Variants in FBXO10 observed in about 807,000 individuals in gnomAD.
FBXO10 encodes the protein F-box only protein 10.
A neutral mutation model predicts 80.7 loss-of-function variants in FBXO10; 39 were observed. That is an observed-to-expected ratio of 0.48 (90% CI 0.37 to 0.63). The LOEUF (loss-of-function observed/expected upper bound fraction) is 0.63, where lower values mean the gene tolerates loss of function less well. FBXO10 is among the 30% of genes least tolerant of loss of function. The pLI is 0.00. For synonymous variants in FBXO10, 449 were observed against 489.6 expected (o/e 0.92, Z 1.09); for missense variants, 1,025 against 1,269.0 (o/e 0.81, Z 2.92).
chr9:37,523,013 A>G (rs527891818), intron 6 of FBXO10, 36 bp from the exon 7 acceptor site: 20 of 1,571,352 alleles, frequency 1.3e-5, no homozygotes, highest in South Asian at 3.5e-5. Flanking sequence ...TCAGTACCCA[A>G]GGGCCAGCTC....
chr9:37,517,733 C>T (rs1454533213), intron 9 of FBXO10, among the ~76,000 whole-genome samples: 1 of 152,132 alleles, frequency 6.6e-6, no homozygotes, highest in Admixed American at 6.5e-5. Context: ...GCAAAGGCCC[C>T]AAGGCAGGAT....
intron 1 of FBXO10, among the ~76,000 whole-genome samples, chr9:37,563,637 ACT>A (rs1329476620): frequency 1.3e-5 from 2 of 152,124 alleles, no homozygotes; most frequent in African/African-American, 2.4e-5. Flanking sequence ...AGTAAAGGTA[ACT>A]CTTGCTATGC....
intron 3 of FBXO10, among the ~76,000 whole-genome samples, chr9:37,533,591 C>T (rs1821681907): frequency 6.6e-6 from 1 of 151,418 alleles, no homozygotes; most frequent in Non-Finnish European, 1.5e-5. Flanking sequence ...ACAGTATAGG[C>T]TGGACGTGTT....
intron 1 of FBXO10, among the ~76,000 whole-genome samples, chr9:37,566,333 C>T: frequency 6.6e-6 from 1 of 151,988 alleles, no homozygotes; most frequent in Non-Finnish European, 1.5e-5. Context: ...GTGGTGGGCA[C>T]CTGTAATCCC....
chr9:37,525,362 A>G (rs999069477), intron 5 of FBXO10, among the ~76,000 whole-genome samples, 190 bp from the exon 6 acceptor site: 5 of 152,078 alleles, frequency 3.3e-5, no homozygotes, highest in African/African-American at 1.2e-4. Flanking sequence ...GAGCCTCCCT[A>G]TGGCTCAAGT....
rs1821414030 is a variant in FBXO10 at position 37,524,262 on chromosome 9, T to A, written c.1777+840A>T. Among the ~76,000 whole-genome samples the A allele has an allele frequency of 2.0e-5, 3 of 152,206 alleles. No homozygotes were observed. The South Asian group carries it at 6.2e-4, about 32-fold the overall frequency. On this transcript the variant is annotated intron_variant, in intron 6 of 10. Transcript: ENST00000432825. ...CACACAATCCCAAATGCCTACCCAGTCCCTCTTTTGCCTTAATTATCCATA... is the reference window on the plus strand; with the variant it reads ...CACACAATCCCAAATGCCTACCCAGACCCTCTTTTGCCTTAATTATCCATA...
At chr9:37,559,188 C>T (rs1488997647) in intron 1 of FBXO10, among the ~76,000 whole-genome samples, 1 of 152,190 alleles carries the variant, frequency 6.6e-6, no homozygotes, top group Non-Finnish European at 1.5e-5. Context: ...TCAGTCATCA[C>T]CTGAGAATCA....
At chr9:37,566,612 C>T (rs1433148244) in intron 1 of FBXO10, among the ~76,000 whole-genome samples, 2 of 152,140 alleles carry the variant, frequency 1.3e-5, no homozygotes, top group Admixed American at 6.6e-5. Context: ...ATTAACTGAG[C>T]AACTGTAATG....
In FBXO10 at chr9:37,521,848, T is replaced by A. The variant is rs376182816; in HGVS notation, c.1931-10A>T. Reference sequence around the variant, plus strand: ...CCACAGCCCTTGTTAGCTGGGACAGTGAGAGGAGCTGGTCACCGACACTGA... The same window carrying A: ...CCACAGCCCTTGTTAGCTGGGACAGAGAGAGGAGCTGGTCACCGACACTGA... On this transcript the variant is annotated splice_polypyrimidine_tract_variant and intron_variant, in intron 7 of 10. Coordinates refer to ENST00000432825, the MANE Select transcript of FBXO10 (RefSeq NM_012166.3). The A allele has an allele frequency of 1.3e-6, 2 of 1,558,028 alleles. No individual in the cohort carries two copies. Among genetic ancestry groups the A allele is most frequent in the Non-Finnish European group, 1.7e-6 (2 of 1,154,468 alleles).
chr9:37,569,797 T>C (rs978832422), intron 1 of FBXO10, among the ~76,000 whole-genome samples: 5 of 152,134 alleles, frequency 3.3e-5, no homozygotes, highest in Admixed American at 6.6e-5. Context: ...ATCACACCAC[T>C]GTACTCCAAT....
intron 2 of FBXO10, among the ~76,000 whole-genome samples, chr9:37,540,349 C>G (rs192146919): frequency 2.3e-3 from 343 of 151,986 alleles, no homozygotes; most frequent in African/African-American, 7.6e-3. Context: ...CACCATGCCC[C>G]GCTGATTTTG....
intron 8 of FBXO10, 88 bp from the exon 9 acceptor site, chr9:37,518,526 C>T: frequency 8.7e-7 from 1 of 1,152,632 alleles, no homozygotes; most frequent in South Asian, 1.6e-5. Context: ...GAATTGTGCA[C>T]TCCGGGAGAA....
At chr9:37,533,246 T>C (rs960482150) in intron 3 of FBXO10, among the ~76,000 whole-genome samples, 1 of 152,210 alleles carries the variant, frequency 6.6e-6, no homozygotes, top group African/African-American at 2.4e-5. Context: ...AAATAATAAA[T>C]AATAAAATTG....
intron 1 of FBXO10, among the ~76,000 whole-genome samples, chr9:37,557,893 A>G (rs1423289080): frequency 6.6e-6 from 1 of 152,210 alleles, no homozygotes; most frequent in Admixed American, 6.5e-5. Flanking sequence ...CTTCCATATG[A>G]AAGTATGCTA....
intron 1 of FBXO10, among the ~76,000 whole-genome samples, chr9:37,556,972 G>C (rs1302238505): frequency 6.6e-6 from 1 of 152,122 alleles, no homozygotes; most frequent in Non-Finnish European, 1.5e-5. Flanking sequence ...ATAGGGACTG[G>C]GTACTTTTCT....
At chr9:37,558,329 T>A (rs1822386850) in intron 1 of FBXO10, among the ~76,000 whole-genome samples, 1 of 152,194 alleles carries the variant, frequency 6.6e-6, no homozygotes. Context: ...CAGGAGGGAC[T>A]TGGAATAAGA....
chr9:37,543,726 T>C (rs1821982298), intron 1 of FBXO10, among the ~76,000 whole-genome samples: 1 of 152,208 alleles, frequency 6.6e-6, no homozygotes, highest in African/African-American at 2.4e-5. Context: ...TATACCTAGT[T>C]CAAGGTCTCT....
At chr9:37,549,477 A>C (rs1211320878) in intron 1 of FBXO10, among the ~76,000 whole-genome samples, 1 of 152,192 alleles carries the variant, frequency 6.6e-6, no homozygotes, top group Non-Finnish European at 1.5e-5. Flanking sequence ...TTCCTCAAAA[A>C]GTAAGTTCAG....
chr9:37,530,570 C>G (rs550129953), intron 4 of FBXO10, among the ~76,000 whole-genome samples: 4 of 152,338 alleles, frequency 2.6e-5, no homozygotes, highest in African/African-American at 9.6e-5. Flanking sequence ...GGTAGAAACA[C>G]AGTGAGGGGA....
Sources: allele counts gnomAD v4.1 joint callset (sites outside exome capture counted in the v4.1 genomes callset), GRCh38; gene constraint gnomAD v4.1.1; transcripts MANE v1.5; gene names NCBI Gene and HGNC (gene_info 2026-07-23, HGNC 2026-07-21).